CCDC60: variants seen among roughly 807,000 people sequenced by gnomAD.
The protein encoded by CCDC60 is coiled-coil domain containing 60, also known as coiled-coil domain-containing protein 60.
Under a neutral mutation model 63.5 loss-of-function variants are expected in CCDC60, and 54 were observed. The ratio of observed to expected loss-of-function variants is 0.85; its 90% confidence interval spans 0.68 to 1.07. The LOEUF (loss-of-function observed/expected upper bound fraction) is 1.07. CCDC60 is among the 50% of genes least tolerant of loss of function. The pLI, the probability that CCDC60 is intolerant of heterozygous loss-of-function variation, is 0.00. For synonymous variants in CCDC60, 206 were observed against 238.8 expected, an observed-to-expected ratio of 0.86 and a Z score of 1.27; for missense variants, 651 against 684.3, an observed-to-expected ratio of 0.95 and a Z score of 0.54.
rs1566050732 is a variant in CCDC60, at chr12:119,507,603, TATA to T, written c.883+2301_883+2303del. Among the ~76,000 whole-genome samples the T allele has an allele frequency of 2.2e-3, 63 of 28,176 alleles. 5 individuals carry two copies. Among genetic ancestry groups the T allele is most frequent in the African/African-American group, 7.7e-3 (33 of 4,288 alleles). The allele number at this position is 28,176 out of a possible 152,430, so 18.5% of individuals were successfully genotyped here. On this transcript the variant is annotated intron_variant, in intron 7 of 13. Transcript: ENST00000327554. ...ACACATATATATACATATATATATA[TATA>T]TATATATATTTTTTTTTTTTTTTTC...
intron 2 of CCDC60, among the ~76,000 whole-genome samples, chr12:119,431,978 C>T (rs1168444488): frequency 6.6e-6 from 1 of 152,180 alleles, no homozygotes; most frequent in Non-Finnish European, 1.5e-5. Flanking sequence ...CATGCCCGGC[C>T]CTTTGTTTTT....
At chr12:119,383,531 T>C (rs760374456) in intron 1 of CCDC60, among the ~76,000 whole-genome samples, 2 of 152,064 alleles carry the variant, frequency 1.3e-5, no homozygotes, top group Non-Finnish European at 2.9e-5. Flanking sequence ...CCATAAACTC[T>C]AGGGCCGCGA....
chr12:119,356,672 T>C (rs1955722384), intron 1 of CCDC60, among the ~76,000 whole-genome samples: 2 of 152,216 alleles, frequency 1.3e-5, no homozygotes, highest in Admixed American at 1.3e-4. Context: ...TTTATTCCTG[T>C]GTTTGTCCAA....
At chr12:119,488,444 T>C (rs529501) in intron 4 of CCDC60, among the ~76,000 whole-genome samples, 80,424 of 151,968 alleles carry the variant, frequency 0.53, 22,229 homozygotes, top group East Asian at 0.84. Context: ...CTGCTATATA[T>C]ACAAATTCTC....
intron 13 of CCDC60, among the ~76,000 whole-genome samples, chr12:119,532,788 G>T (rs915952324): frequency 8.5e-5 from 13 of 152,166 alleles, no homozygotes; most frequent in African/African-American, 2.4e-4. Flanking sequence ...TGGTGTATAT[G>T]TGCAACATTT....
intron 7 of CCDC60, among the ~76,000 whole-genome samples, chr12:119,507,607 TATATA>T (rs1186197042): frequency 2.2e-3 from 74 of 33,744 alleles, no homozygotes; most frequent in Non-Finnish European, 3.0e-3. Flanking sequence ...TATATATATA[TATATA>T]TATTTTTTTT....
intron 2 of CCDC60, chr12:119,447,820 C>T (rs1464374): frequency 0.068 from 10,361 of 152,414 alleles, 342 homozygotes; most frequent in East Asian, 0.087. Flanking sequence ...TCCTGAGAAT[C>T]GCCTGAACCC....
intron 1 of CCDC60, among the ~76,000 whole-genome samples, chr12:119,413,914 A>C (rs994484731): frequency 6.6e-6 from 1 of 152,108 alleles, no homozygotes; most frequent in South Asian, 2.1e-4. Context: ...ACAGGAAAAA[A>C]CAATAATACA....
intron 1 of CCDC60, among the ~76,000 whole-genome samples, chr12:119,405,475 G>A (rs1956470121): frequency 6.6e-6 from 1 of 152,058 alleles, no homozygotes; most frequent in South Asian, 2.1e-4. Context: ...AACAAAGTCG[G>A]GCTCTGTATT....
chr12:119,368,803 G>A (rs1293646777), intron 1 of CCDC60, among the ~76,000 whole-genome samples: 1 of 152,108 alleles, frequency 6.6e-6, no homozygotes, highest in Non-Finnish European at 1.5e-5. Flanking sequence ...TCTGTGCTTC[G>A]GTTCAGGCCA....
chr12:119,391,935 G>T (rs1179084203), intron 1 of CCDC60, among the ~76,000 whole-genome samples: 1 of 152,068 alleles, frequency 6.6e-6, no homozygotes, highest in African/African-American at 2.4e-5. Flanking sequence ...TCATTCTATT[G>T]CTTTGCTCCA....
At chr12:119,484,246 T>C (rs942359304) in intron 4 of CCDC60, among the ~76,000 whole-genome samples, 2 of 152,158 alleles carry the variant, frequency 1.3e-5, no homozygotes, top group Non-Finnish European at 2.9e-5. Context: ...AATAGTACCT[T>C]CTTCACAGGA....
chr12:119,403,139 A>AG (rs1336064787), intron 1 of CCDC60, among the ~76,000 whole-genome samples: 2 of 152,144 alleles, frequency 1.3e-5, no homozygotes, highest in African/African-American at 4.8e-5. Context: ...CTTCCATGGG[A>AG]GCAACCCCAG....
intron 4 of CCDC60, among the ~76,000 whole-genome samples, chr12:119,482,840 C>T (rs978717204): frequency 5.3e-5 from 8 of 152,002 alleles, no homozygotes; most frequent in Admixed American, 1.3e-4. Context: ...TGGCTGATCT[C>T]GAATGGTCTC....
intron 13 of CCDC60, among the ~76,000 whole-genome samples, chr12:119,534,729 C>T (rs1052539415): frequency 9.9e-5 from 15 of 152,248 alleles, no homozygotes; most frequent in African/African-American, 3.4e-4. Context: ...TATTGATTTG[C>T]ATATGTTGAA....
intron 10 of CCDC60, among the ~76,000 whole-genome samples, chr12:119,523,488 A>G (rs1010067191): frequency 6.6e-6 from 1 of 152,218 alleles, no homozygotes; most frequent in Non-Finnish European, 1.5e-5. Context: ...CTGAACGACC[A>G]TCCTGATGCT....
At chr12:119,505,973 A>C (rs1162532682) in intron 7 of CCDC60, among the ~76,000 whole-genome samples, 1 of 150,764 alleles carries the variant, frequency 6.6e-6, no homozygotes, top group East Asian at 1.9e-4. Flanking sequence ...CTGTCTTTGA[A>C]ATTCGGTGTC....
At chr12:119,367,356 C>T (rs1362042870) in intron 1 of CCDC60, among the ~76,000 whole-genome samples, 2 of 152,178 alleles carry the variant, frequency 1.3e-5, no homozygotes, top group Non-Finnish European at 2.9e-5. Flanking sequence ...AAAAAGCCCT[C>T]GAGTCTCCTT....
At chr12:119,501,679 G>C (rs935040680) in intron 6 of CCDC60, among the ~76,000 whole-genome samples, 1 of 152,126 alleles carries the variant, frequency 6.6e-6, no homozygotes, top group East Asian at 1.9e-4. Flanking sequence ...TCCGTCTTCA[G>C]AAATGCACAG....
Sources: allele counts gnomAD v4.1 joint callset (sites outside exome capture counted in the v4.1 genomes callset), GRCh38; gene constraint gnomAD v4.1.1; transcripts MANE v1.5; gene names NCBI Gene and HGNC (gene_info 2026-07-23, HGNC 2026-07-21).